The following SULF1 variants were observed in gnomAD, a reference collection of about 807,000 sequenced individuals.
SULF1 encodes the protein sulfatase 1.
A neutral mutation model predicts 110.5 loss-of-function variants in SULF1; 46 were observed. The observed-to-expected ratio is 0.42, with a 90% CI of 0.33 to 0.53. SULF1 has a LOEUF of 0.53. Ranked by LOEUF, SULF1 falls within the 20% of genes least tolerant of loss-of-function variation. The pLI is 0.12. For missense variants in SULF1, 941 were observed against 1,094.2 expected, an observed-to-expected ratio of 0.86 and a Z score of 1.98; for synonymous variants, 371 against 387.1, an observed-to-expected ratio of 0.96 and a Z score of 0.49.
At chr8:69,561,170 A>G (rs923829518) in intron 3 of SULF1, among the ~76,000 whole-genome samples, 1 of 152,242 alleles carries the variant, frequency 6.6e-6, no homozygotes, top group African/African-American at 2.4e-5. Context: ...GGAGATAGAC[A>G]TGTTAATTAG....
upstream of SULF1, among the ~76,000 whole-genome samples, chr8:69,489,127 C>T (rs1809813945): frequency 6.6e-6 from 1 of 152,152 alleles, no homozygotes; most frequent in Admixed American, 6.5e-5. Flanking sequence ...ACCAAGGTAA[C>T]ACGTGAGATT....
In SULF1 at chr8:69,629,553, A is replaced by G. The variant is rs751509929; in HGVS notation, c.2158A>G (p.Asn720Asp). Residue 720 changes from asparagine (N) to aspartate (D), a missense_variant, in exon 19 of 23, where the codon AAC (asparagine) becomes GAC (aspartate). This residue lies in a region of SULF1 where 822 missense variants were observed against 934.3 expected (regional missense o/e 0.88). Transcript: ENST00000402687. ...CAAACTGCAACTTTTCAAGGAGAAC[A>G]ACCGTAGGAGGAAGAAGGAGAGGAA... ...DSKLQLFKEN[N>D]RRRKKERKEK... is the part of the protein sequence containing the mutation. 90 of 1,613,096 alleles carry G rather than the reference A, an allele frequency of 5.6e-5. No individual in the cohort carries two copies. In the Middle Eastern group the frequency reaches 9.9e-4, roughly 18 times the overall value.
intron 6 of SULF1, 137 bp downstream of exon 6, chr8:69,576,346 T>A: frequency 1.0e-6 from 1 of 967,722 alleles, no homozygotes; most frequent in Non-Finnish European, 1.5e-6. Flanking sequence ...GCTTGACATC[T>A]ACCCCAGGGT....
intron 16 of SULF1, 59 bp downstream of exon 16, chr8:69,627,365 C>T (rs551861675): frequency 1.6e-6 from 2 of 1,284,480 alleles, no homozygotes; most frequent in South Asian, 1.2e-5. Context: ...GCCTGCCAGC[C>T]CTGCTGTGTC....
At chr8:69,644,769 A>C (rs1328727237) in intron 22 of SULF1, among the ~76,000 whole-genome samples, 2 of 151,732 alleles carry the variant, frequency 1.3e-5, no homozygotes, top group Admixed American at 1.3e-4. Context: ...TCAAAAAAAA[A>C]AAAAAAAAAA....
intron 13 of SULF1, 152 bp from the exon 14 acceptor site, chr8:69,620,883 C>G: frequency 1.8e-6 from 1 of 552,906 alleles, no homozygotes. Flanking sequence ...AGTGCAGGGT[C>G]ACTTAAAAGC....
At chr8:69,655,396 C>G (rs1586647441) in intron 22 of SULF1, among the ~76,000 whole-genome samples, 1 of 152,194 alleles carries the variant, frequency 6.6e-6, no homozygotes, top group African/African-American at 2.4e-5. Flanking sequence ...CCGTAATACT[C>G]CAATACATAT....
chr8:69,471,524 A>T (rs1231333875), intron 1 of SULF1, among the ~76,000 whole-genome samples: 1 of 152,196 alleles, frequency 6.6e-6, no homozygotes, highest in Non-Finnish European at 1.5e-5. Flanking sequence ...AATCCCTATG[A>T]AGTTCAGCTT....
intron 19 of SULF1, among the ~76,000 whole-genome samples, chr8:69,634,400 A>G (rs16936197): frequency 0.053 from 8,099 of 152,314 alleles, 734 homozygotes; most frequent in African/African-American, 0.18. Context: ...AACATATTTT[A>G]CTTAAAGGGT....
At chr8:69,627,087 T>C in intron 15 of SULF1, 123 bp from the exon 16 acceptor site, 1 of 712,574 alleles carries the variant, frequency 1.4e-6, no homozygotes, top group South Asian at 1.7e-5. Flanking sequence ...TTGGATCAGC[T>C]CAACGGTTAC....
At chr8:69,485,962 G>A (rs1809690559) in intron 1 of SULF1, among the ~76,000 whole-genome samples, 1 of 152,090 alleles carries the variant, frequency 6.6e-6, no homozygotes, top group Non-Finnish European at 1.5e-5. Flanking sequence ...CCTGTCCCTC[G>A]GGCTGAAGTC....
At position 69,603,226 on chromosome 8, in the gene SULF1, C is replaced by G. The variant is rs201478955; in HGVS notation, c.1096C>G (p.Pro366Ala). 1.2e-6 allele frequency: 2 copies of G among 1,614,140 alleles called. No homozygotes were observed. Among genetic ancestry groups the G allele is most frequent in the East Asian group, 2.2e-5 (1 of 44,880 alleles). ...PQIVLNIDLA[P>A]TILDIAGLDT... ...GATCGTTCTCAACATTGACTTGGCC[C>G]CCACGATCCTGGATATTGCTGGGCT... Residue 366 changes from proline (P) to alanine (A), a missense_variant, in exon 11 of 23, where the codon CCC (proline) becomes GCC (alanine). Pro to Ala is a conservative substitution (Grantham distance 27, BLOSUM62 -1). Transcript: ENST00000402687.
At chr8:69,654,127 C>A (rs143063142) in intron 22 of SULF1, among the ~76,000 whole-genome samples, 1 of 152,312 alleles carries the variant, frequency 6.6e-6, no homozygotes, top group South Asian at 2.1e-4. Context: ...GAGACAATGT[C>A]ATCTCCTGTT....
intron 13 of SULF1, among the ~76,000 whole-genome samples, chr8:69,613,965 A>T (rs1808870998): frequency 2.0e-5 from 3 of 152,044 alleles, no homozygotes; most frequent in Admixed American, 6.6e-5. Context: ...GCAGCAAAAA[A>T]AAAAAAATAA....
intron 1 of SULF1, among the ~76,000 whole-genome samples, chr8:69,471,043 C>T (rs962422659): frequency 1.2e-4 from 19 of 152,172 alleles, no homozygotes; most frequent in African/African-American, 3.1e-4. Flanking sequence ...ATATATTCAT[C>T]CTTCAAAGTT....
intron 1 of SULF1, among the ~76,000 whole-genome samples, chr8:69,474,325 T>C (rs1480874701): frequency 6.6e-6 from 1 of 152,226 alleles, no homozygotes; most frequent in Non-Finnish European, 1.5e-5. Context: ...AATATGCCTT[T>C]GCTTCCCAAT....
Position 69,659,881 on chromosome 8 carries a change from T to C in SULF1, c.*1346T>C, listed in dbSNP as rs1349871161. 1 of 152,832 alleles carries C rather than the reference T, an allele frequency of 6.5e-6. No homozygotes were observed. Among genetic ancestry groups the C allele is most frequent in the Non-Finnish European group, 1.5e-5 (1 of 68,210 alleles). The allele number at this position is 152,832 out of a possible 1,614,324, so 9.5% of individuals were successfully genotyped here. A position where few individuals can be genotyped will look rare whatever the true frequency, so the allele number is the denominator to read the frequency against. ...TCAGTCTCACTGTTGGCTGTCATTG[T>C]GACAAAGTCAAATAAACCCCCAAGG... is the stretch of plus-strand genomic sequence containing the variant. On this transcript the variant is annotated 3_prime_UTR_variant, in exon 23 of 23. Transcript: ENST00000402687.
chr8:69,607,479 C>G (rs574065869), intron 13 of SULF1, among the ~76,000 whole-genome samples: 127 of 152,284 alleles, frequency 8.3e-4, no homozygotes, highest in African/African-American at 3.0e-3. Flanking sequence ...ATCCTCCTAC[C>G]TCAGCCTCCT....
intron 1 of SULF1, among the ~76,000 whole-genome samples, chr8:69,472,332 G>A (rs753369080): frequency 2.0e-5 from 3 of 152,208 alleles, no homozygotes; most frequent in Non-Finnish European, 4.4e-5. Flanking sequence ...GTCAGATCGA[G>A]CTTCCAGAAG....
Sources: allele counts gnomAD v4.1 joint callset (sites outside exome capture counted in the v4.1 genomes callset), GRCh38; gene constraint gnomAD v4.1.1; regional missense constraint gnomAD v4.1.1; transcripts MANE v1.5; gene names NCBI Gene and HGNC (gene_info 2026-07-23, HGNC 2026-07-21).